SVIL: variants seen among roughly 807,000 people sequenced by gnomAD.
SVIL encodes the protein archvillin.
In SVIL, 101 loss-of-function variants were observed where a neutral mutation model predicts 240.4. The observed-to-expected ratio is 0.42, with a 90% CI of 0.36 to 0.50. The LOEUF is 0.50. SVIL is among the 20% of genes least tolerant of loss of function. The pLI is 0.01. For synonymous variants in SVIL, 999 were observed against 1,100.0 expected (o/e 0.91, Z 1.82); for missense variants, 2,512 against 2,818.7 (o/e 0.89, Z 2.46).
chr10:29,481,518 C>T (rs1946848181), intron 28 of SVIL, 66 bp downstream of exon 28: 11 of 1,600,206 alleles, frequency 6.9e-6, no homozygotes, highest in South Asian at 1.1e-5. Context: ...GATCATTTTA[C>T]ATGAAGGCCA....
In SVIL at chr10:29,720,784, G is replaced by A. The variant is rs968411390; in HGVS notation, c.-400+14967C>T. Among the ~76,000 whole-genome samples, 32 of 152,208 alleles carry A rather than the reference G, an allele frequency of 2.1e-4. 1 individual carries two copies. Among genetic ancestry groups the A allele is most frequent in the Non-Finnish European group, 3.5e-4 (24 of 68,026 alleles). ...CTATTGTAATGTTCTTATATGATAT[G>A]TGAAGTGATATAATATCACTTAAAG... On this transcript the variant is annotated intron_variant, in intron 1 of 35. Transcript: ENST00000375400.
intron 1 of SVIL, among the ~76,000 whole-genome samples, chr10:29,584,417 G>C (rs1232350610): frequency 6.6e-6 from 1 of 152,334 alleles, no homozygotes; most frequent in South Asian, 2.1e-4. Flanking sequence ...TCCCTGCCCT[G>C]CTGCCACCAC....
At chr10:29,631,887 T>A (rs1335589487) in intron 1 of SVIL, among the ~76,000 whole-genome samples, 2 of 151,814 alleles carry the variant, frequency 1.3e-5, no homozygotes, top group Admixed American at 6.6e-5. Context: ...CCTAGTTGAG[T>A]CACAAATCAA....
At chr10:29,720,190 T>C (rs1963889958) in intron 1 of SVIL, among the ~76,000 whole-genome samples, 1 of 151,988 alleles carries the variant, frequency 6.6e-6, no homozygotes, top group Admixed American at 6.6e-5. Context: ...GATGACACAG[T>C]GAGACTTCAC....
intron 1 of SVIL, among the ~76,000 whole-genome samples, chr10:29,571,038 C>G (rs1414074174): frequency 6.6e-6 from 1 of 152,224 alleles, no homozygotes; most frequent in Non-Finnish European, 1.5e-5. Context: ...TGGCTGCACA[C>G]AGACGGCTCG....
At chr10:29,689,981 T>G (rs757842928) in intron 1 of SVIL, among the ~76,000 whole-genome samples, 2 of 152,166 alleles carry the variant, frequency 1.3e-5, no homozygotes, top group Non-Finnish European at 2.9e-5. Context: ...AACAATCACT[T>G]CAGAGAAAAA....
chr10:29,673,577 G>C (rs373559467), intron 2 of SVIL, among the ~76,000 whole-genome samples: 106 of 132,358 alleles, frequency 8.0e-4, no homozygotes, highest in African/African-American at 2.6e-3. Context: ...ATGGCATTAG[G>C]GGGGAGAGAG....
intron 5 of SVIL, among the ~76,000 whole-genome samples, chr10:29,552,745 G>A (rs1953493834): frequency 6.6e-6 from 1 of 151,836 alleles, no homozygotes; most frequent in South Asian, 2.1e-4. Context: ...AAACTAAACA[G>A]GTGAGTAACT....
At chr10:29,518,044 TG>T (rs1359824838) in intron 16 of SVIL, among the ~76,000 whole-genome samples, 3 of 152,214 alleles carry the variant, frequency 2.0e-5, no homozygotes, top group Non-Finnish European at 4.4e-5. Flanking sequence ...CTAAGTTTTT[TG>T]CTGGTTATGG....
intron 1 of SVIL, among the ~76,000 whole-genome samples, chr10:29,725,284 G>C (rs192943719): frequency 7.2e-5 from 11 of 152,170 alleles, no homozygotes; most frequent in Admixed American, 7.2e-4. Flanking sequence ...TTTTGGAAAA[G>C]GGCAGGATCT....
chr10:29,510,233 C>T (rs377272787), intron 17 of SVIL, among the ~76,000 whole-genome samples: 55 of 152,344 alleles, frequency 3.6e-4, no homozygotes, highest in African/African-American at 1.3e-3. Context: ...AAATGAGATG[C>T]TGGCTGGAGC....
chr10:29,492,086 T>C (rs1289972164), intron 21 of SVIL, among the ~76,000 whole-genome samples: 1 of 152,150 alleles, frequency 6.6e-6, no homozygotes, highest in East Asian at 1.9e-4. Context: ...CTGTCTAGCG[T>C]GTCTCCCTCT....
intron 1 of SVIL, among the ~76,000 whole-genome samples, chr10:29,711,122 C>G (rs1589558846): frequency 6.8e-6 from 1 of 146,534 alleles, no homozygotes; most frequent in Admixed American, 6.8e-5. Context: ...TCAAGGGGGC[C>G]AGAATGGCGA....
At position 29,473,925 on chromosome 10, in the gene SVIL, G is replaced by A. The variant is rs749691068; in HGVS notation, c.5442C>T (p.Phe1814=). The change falls in exon 30 of 38, where the codon TTC becomes TTT. Residue 1814 remains phenylalanine, a synonymous_variant. Transcript: ENST00000355867. ...RAAGKEKCVY[F]FWQGRHSTVS... is the part of the protein sequence containing the mutation. ...CGGTGGAGTGCCGGCCTTGCCAGAAGAAGTAGACGCACTTCTCTTTGCCGG... is the reference window on the plus strand; with the variant it reads ...CGGTGGAGTGCCGGCCTTGCCAGAAAAAGTAGACGCACTTCTCTTTGCCGG... The A allele has an allele frequency of 2.1e-5, 34 of 1,613,984 alleles. No individual in the cohort carries two copies. The highest frequency in any genetic ancestry group is 2.8e-5 in the Non-Finnish European group (33 of 1,180,022).
At chr10:29,602,390 T>C (rs1459085753) in intron 1 of SVIL, 4 of 480,760 alleles carry the variant, frequency 8.3e-6, no homozygotes, top group Non-Finnish European at 1.7e-5. Flanking sequence ...CACCCTCCCT[T>C]CTCTGCTGTG....
chr10:29,538,744 T>C (rs2132591294), intron 6 of SVIL, among the ~76,000 whole-genome samples: 1 of 152,378 alleles, frequency 6.6e-6, no homozygotes, highest in African/African-American at 2.4e-5. Context: ...TAAGTGAATT[T>C]TTGACTTAAT....
Position 29,501,638 on chromosome 10 carries a change from C to T in SVIL, c.3517-2375G>A, listed in dbSNP as rs1259109383. 3.3e-5 allele frequency among the ~76,000 whole-genome samples: 5 copies of T among 152,278 alleles called. No homozygotes were observed. The East Asian group carries it at 7.7e-4, about 23-fold the overall frequency. On this transcript the variant is annotated intron_variant, in intron 17 of 37. Transcript: ENST00000355867. ...AAACCTGAACATTTCCCCTCGTGATCGGCGAGAAGCCCCTAATTCCAAGTA... is the reference window on the plus strand; with the variant it reads ...AAACCTGAACATTTCCCCTCGTGATTGGCGAGAAGCCCCTAATTCCAAGTA...
chr10:29,532,453 CA>C (rs1951438620), intron 8 of SVIL, 75 bp downstream of exon 8: 1 of 1,525,196 alleles, frequency 6.6e-7, no homozygotes, highest in Admixed American at 2.1e-5. Context: ...CAGAACACAA[CA>C]CAGGTCGAGG....
rs368088723 is a variant in SVIL, at chr10:29,656,629, T to C, written c.-201+1340A>G. 3.1e-4 allele frequency among the ~76,000 whole-genome samples: 47 copies of C among 152,264 alleles called. 1 individual carries two copies. In the South Asian group the frequency reaches 9.5e-3, roughly 31 times the overall value. On this transcript the variant is annotated intron_variant, in intron 3 of 35. Transcript: ENST00000375400. ...ACCAGATCACATCCAGACAATAAAATGTGGACGCTGATTCAACATGATTGC... is the reference window on the plus strand; with the variant it reads ...ACCAGATCACATCCAGACAATAAAACGTGGACGCTGATTCAACATGATTGC...
Sources: gnomAD v4.1 joint callset for allele counts (sites outside exome capture counted in the v4.1 genomes callset) on GRCh38, gnomAD v4.1.1 for gene constraint, MANE v1.5 for transcripts, NCBI Gene and HGNC (gene_info 2026-07-23, HGNC 2026-07-21) for gene names.